DIP2B: variants seen among roughly 807,000 people sequenced by gnomAD.
The protein encoded by DIP2B is DIP2 acetate--CoA ligase B (putative), also known as disco-interacting protein 2 homolog B.
Under a neutral mutation model 198.0 loss-of-function variants are expected in DIP2B, and 76 were observed. The observed-to-expected ratio is 0.38, with a 90% CI of 0.32 to 0.46. The LOEUF is 0.46. Ranked by LOEUF, DIP2B falls within the 20% of genes least tolerant of loss-of-function variation. The pLI is 0.99. For synonymous variants in DIP2B, 701 were observed against 739.1 expected, an observed-to-expected ratio of 0.95 and a Z score of 0.84; for missense variants, 1,559 against 1,978.4, an observed-to-expected ratio of 0.79 and a Z score of 4.02.
intron 4 of DIP2B, among the ~76,000 whole-genome samples, chr12:50,667,166 G>A (rs762752570): frequency 3.9e-5 from 6 of 152,108 alleles, no homozygotes; most frequent in African/African-American, 1.2e-4. Context: ...CAATGCGCCC[G>A]GCCAACATGC....
Position 50,522,964 on chromosome 12 carries a change from G to A in DIP2B, c.100+17724G>A, listed in dbSNP as rs1457265569. 2.0e-5 allele frequency among the ~76,000 whole-genome samples: 3 copies of A among 152,064 alleles called. No homozygotes were observed. In the East Asian group the frequency reaches 5.8e-4, roughly 29 times the overall value. On this transcript the variant is annotated intron_variant, in intron 1 of 37. Coordinates refer to ENST00000301180, the MANE Select transcript of DIP2B (RefSeq NM_173602.3). The stretch of plus-strand genomic sequence containing the variant: ...AGAAAAATATTTTATTTATAAAAGT[G>A]TTAAAAATTATAAAATATTTCCTGG...
chr12:50,542,248 CAAAA>C (rs35430997), intron 1 of DIP2B, among the ~76,000 whole-genome samples: 2 of 51,298 alleles, frequency 3.9e-5, no homozygotes, highest in Non-Finnish European at 4.2e-5. Context: ...GACTCCGTCT[CAAAA>C]AAAAAAAAAA....
intron 1 of DIP2B, among the ~76,000 whole-genome samples, chr12:50,521,489 C>CTTTTTTTTT (rs35971707): frequency 3.1e-5 from 3 of 98,248 alleles, no homozygotes; most frequent in African/African-American, 4.1e-5. Context: ...AGGTTTCTTT[C>CTTTTTTTTT]TTTTTTTTTT....
intron 10 of DIP2B, among the ~76,000 whole-genome samples, chr12:50,684,295 T>C (rs1311105595): frequency 6.6e-6 from 1 of 152,206 alleles, no homozygotes; most frequent in African/African-American, 2.4e-5. Flanking sequence ...AGGTGGAAAG[T>C]GATGGTGTGA....
Position 50,744,736 on chromosome 12 carries a change from G to A in DIP2B, c.4628G>A (p.Gly1543Asp), listed in dbSNP as rs1162068881. 4.3e-6 allele frequency: 7 copies of A among 1,613,978 alleles called. No individual in the cohort carries two copies. Among genetic ancestry groups the A allele is most frequent in the African/African-American group, 1.3e-5 (1 of 74,874 alleles). The change falls in exon 38 of 38, where the codon GGT becomes GAT. Residue 1543 changes from glycine (G) to aspartate (D), a missense_variant. By Grantham distance (94) the Gly-to-Asp change is moderately conservative (BLOSUM62 -1). Transcript: ENST00000301180. ...GGCGTCGTGGTTGTGGTGGACCCAG[G>A]TGTCATCCCGATCAACTCCAGAGGA... ...IVGVVVVVDPGVIPINSRGEK... is the reference protein window; with the variant it reads ...IVGVVVVVDPDVIPINSRGEK...
intron 4 of DIP2B, among the ~76,000 whole-genome samples, chr12:50,669,511 C>T (rs1938812803): frequency 6.6e-6 from 1 of 152,184 alleles, no homozygotes; most frequent in Admixed American, 6.5e-5. Flanking sequence ...CAACCTCCGC[C>T]TCCCGGTCTT....
chr12:50,556,999 C>T (rs904127403), intron 1 of DIP2B, among the ~76,000 whole-genome samples: 4 of 152,158 alleles, frequency 2.6e-5, no homozygotes, highest in Middle Eastern at 3.4e-3. Flanking sequence ...CATGAGTCAC[C>T]GCGCCCGGTG....
chr12:50,622,213 C>T lies in DIP2B; in HGVS notation c.101-3763C>T, dbSNP rs557682850. ...AGACATGGTTTCCTGTTTCTAATGA[C>T]GGTTTACTTGGTAGGCTTCTGTACC... is the stretch of plus-strand genomic sequence containing the variant. On this transcript the variant is annotated intron_variant, in intron 1 of 37. Coordinates refer to ENST00000301180, the MANE Select transcript of DIP2B (RefSeq NM_173602.3). Among the ~76,000 whole-genome samples, 10 of 152,204 alleles carry T rather than the reference C, an allele frequency of 6.6e-5. No homozygotes were observed. The South Asian group carries it at 1.5e-3, about 22-fold the overall frequency.
At chr12:50,665,755 G>A (rs927778550) in intron 4 of DIP2B, among the ~76,000 whole-genome samples, 4 of 148,514 alleles carry the variant, frequency 2.7e-5, no homozygotes. Context: ...CAGCCTGGGT[G>A]ACAGAGTGAA....
At chr12:50,704,516 A>G (rs1431132022) in intron 20 of DIP2B, among the ~76,000 whole-genome samples, 1 of 152,182 alleles carries the variant, frequency 6.6e-6, no homozygotes, top group East Asian at 1.9e-4. Flanking sequence ...TATTCTCACT[A>G]TCTCGCTCTG....
At chr12:50,636,916 G>T (rs888293249) in intron 2 of DIP2B, among the ~76,000 whole-genome samples, 3 of 152,226 alleles carry the variant, frequency 2.0e-5, no homozygotes, top group Non-Finnish European at 2.9e-5. Context: ...TGGAAAACAG[G>T]CAGGTGGCCC....
intron 19 of DIP2B, among the ~76,000 whole-genome samples, chr12:50,699,864 AACACACAC>A (rs56369651): frequency 1.6e-4 from 23 of 145,842 alleles, no homozygotes; most frequent in Non-Finnish European, 1.8e-4. Flanking sequence ...CCCTGTCTCA[AACACACAC>A]ACACACACAC....
chr12:50,674,090 A>G (rs527599784), intron 5 of DIP2B, among the ~76,000 whole-genome samples: 1 of 152,296 alleles, frequency 6.6e-6, no homozygotes, highest in African/African-American at 2.4e-5. Flanking sequence ...AGAGACTGCA[A>G]TATTAGTAGC....
chr12:50,706,182 C>G (rs1192341833), intron 20 of DIP2B, among the ~76,000 whole-genome samples: 2 of 152,208 alleles, frequency 1.3e-5, no homozygotes, highest in African/African-American at 4.8e-5. Flanking sequence ...TTTTCTTCCT[C>G]TGTATCCTCT....
At chr12:50,609,127 C>T (rs865775090) in intron 1 of DIP2B, among the ~76,000 whole-genome samples, 1 of 151,352 alleles carries the variant, frequency 6.6e-6, no homozygotes, top group Non-Finnish European at 1.5e-5. Flanking sequence ...AGCAACACTC[C>T]GTCTCAAAAA....
At chr12:50,649,526 CATTA>C (rs1938416475) in intron 3 of DIP2B, among the ~76,000 whole-genome samples, 1 of 152,120 alleles carries the variant, frequency 6.6e-6, no homozygotes, top group African/African-American at 2.4e-5. Context: ...GCTGGAAAAA[CATTA>C]ATTAGCTCCA....
intron 1 of DIP2B, among the ~76,000 whole-genome samples, chr12:50,516,090 C>T (rs1958060774): frequency 6.6e-6 from 1 of 152,094 alleles, no homozygotes; most frequent in Non-Finnish European, 1.5e-5. Flanking sequence ...AAGATGGCAC[C>T]TTCTTGTTGC....
At chr12:50,587,023 ATG>A (rs1340969921) in intron 1 of DIP2B, among the ~76,000 whole-genome samples, 2 of 152,310 alleles carry the variant, frequency 1.3e-5, no homozygotes, top group East Asian at 3.9e-4. Flanking sequence ...TTTTCACTGT[ATG>A]TGTCTCTTTT....
intron 1 of DIP2B, among the ~76,000 whole-genome samples, chr12:50,518,457 C>T (rs2139348761): frequency 6.6e-6 from 1 of 152,268 alleles, no homozygotes; most frequent in Non-Finnish European, 1.5e-5. Flanking sequence ...TGATCGCCCA[C>T]CCCGGCCTCC....
Sources: gnomAD v4.1 joint callset for allele counts (sites outside exome capture counted in the v4.1 genomes callset) on GRCh38, gnomAD v4.1.1 for gene constraint, MANE v1.5 for transcripts, NCBI Gene and HGNC (gene_info 2026-07-23, HGNC 2026-07-21) for gene names.